SCAPER: variants seen among roughly 807,000 people sequenced by gnomAD.
SCAPER encodes the protein S phase cyclin A-associated protein in the endoplasmic reticulum.
In SCAPER, 98 loss-of-function variants were observed where a neutral mutation model predicts 182.2. The ratio of observed to expected loss-of-function variants is 0.54; its 90% CI spans 0.46 to 0.64. SCAPER has a LOEUF of 0.64. SCAPER is among the 30% of genes least tolerant of loss of function. The pLI is 0.00. For synonymous variants in SCAPER, 605 were observed against 564.6 expected, an observed-to-expected ratio of 1.07 and a Z score of -1.01; for missense variants, 1,432 against 1,690.0, an observed-to-expected ratio of 0.85 and a Z score of 2.68.
At chr15:76,588,889 C>A (rs186555469) in intron 22 of SCAPER, among the ~76,000 whole-genome samples, 1 of 152,232 alleles carries the variant, frequency 6.6e-6, no homozygotes, top group Non-Finnish European at 1.5e-5. Context: ...GAGGGAAGAT[C>A]TGGCACTCAA....
In SCAPER at chr15:76,348,745, G is replaced by A; in HGVS notation, c.4100-9C>T. 1 of 1,458,486 alleles carries A rather than the reference G, an allele frequency of 6.9e-7. No individual in the cohort carries two copies. The highest frequency in any genetic ancestry group is 9.1e-7 in the Non-Finnish European group (1 of 1,094,150). 90.3% of individuals were successfully genotyped at this position (1,458,486 alleles called of 1,614,324 possible). A position where few individuals can be genotyped will look rare whatever the true frequency, so the allele number is the denominator to read the frequency against. On this transcript the variant is annotated splice_polypyrimidine_tract_variant and intron_variant, in intron 31 of 31. Coordinates refer to ENST00000563290, the MANE Select transcript of SCAPER (RefSeq NM_020843.4). ...GGAACCAAGGCATTTCCCTGAGAGGGGGATAAAAGAGAAAAAAGTTAAATA... is the reference window on the plus strand; with the variant it reads ...GGAACCAAGGCATTTCCCTGAGAGGAGGATAAAAGAGAAAAAAGTTAAATA...
intron 20 of SCAPER, among the ~76,000 whole-genome samples, chr15:76,681,501 T>C (rs2057701640): frequency 6.6e-6 from 1 of 151,990 alleles, no homozygotes; most frequent in African/African-American, 2.4e-5. Flanking sequence ...TATCACCCAG[T>C]GATTGGGACA....
At chr15:76,733,486 C>T (rs757994510) in intron 15 of SCAPER, 102 bp from the exon 16 acceptor site, 16 of 1,368,356 alleles carry the variant, frequency 1.2e-5, no homozygotes, top group Admixed American at 2.5e-5. Flanking sequence ...TGGTGGTTCA[C>T]GCCTGTGATC....
chr15:76,425,451 C>T (rs774664321), intron 26 of SCAPER, among the ~76,000 whole-genome samples: 14 of 152,168 alleles, frequency 9.2e-5, no homozygotes, highest in East Asian at 1.9e-4. Context: ...TCTCGTGCCA[C>T]GGTTTTCAGC....
At chr15:76,840,841 CTGTT>C (rs749100225) in intron 5 of SCAPER, among the ~76,000 whole-genome samples, 2 of 152,190 alleles carry the variant, frequency 1.3e-5, no homozygotes, top group Non-Finnish European at 2.9e-5. Context: ...CACCATGTGT[CTGTT>C]TAATATCCTA....
chr15:76,780,969 C>A lies in SCAPER; in HGVS notation c.773-5852G>T, dbSNP rs538713141. On this transcript the variant is annotated intron_variant, in intron 8 of 31. Coordinates refer to ENST00000563290, the MANE Select transcript of SCAPER (RefSeq NM_020843.4). ...AAGCTGAAAATTCTAAAAACCAGAG[C>A]GCCTCTTCTCCTCCAAAGGATCACA... 9.9e-5 allele frequency among the ~76,000 whole-genome samples: 15 copies of A among 152,224 alleles called. No individual in the cohort carries two copies. The East Asian group carries it at 1.7e-3, about 18-fold the overall frequency.
At chr15:76,807,683 C>T (rs1158610746) in intron 5 of SCAPER, among the ~76,000 whole-genome samples, 3 of 112,642 alleles carry the variant, frequency 2.7e-5, no homozygotes, top group Non-Finnish European at 3.5e-5. Flanking sequence ...TCCCTCCCCC[C>T]TCCCCCCACC....
chr15:76,465,491 G>A (rs535496133), intron 25 of SCAPER, among the ~76,000 whole-genome samples: 143 of 152,160 alleles, frequency 9.4e-4, no homozygotes, highest in Middle Eastern at 6.8e-3. Context: ...TCAGACATAC[G>A]GTTTACAAAT....
At chr15:76,438,492 G>T (rs2047350941) in intron 25 of SCAPER, among the ~76,000 whole-genome samples, 1 of 152,116 alleles carries the variant, frequency 6.6e-6, no homozygotes, top group African/African-American at 2.4e-5. Context: ...CAGCTGACCG[G>T]CAACTTTTGA....
intron 5 of SCAPER, among the ~76,000 whole-genome samples, chr15:76,814,086 T>C (rs1451319772): frequency 6.6e-6 from 1 of 152,032 alleles, no homozygotes; most frequent in Non-Finnish European, 1.5e-5. Flanking sequence ...AAGAATTGTT[T>C]GAACCCGGGA....
At chr15:76,775,247 T>C in intron 8 of SCAPER, 130 bp from the exon 9 acceptor site, 1 of 756,760 alleles carries the variant, frequency 1.3e-6, no homozygotes, top group Non-Finnish European at 2.0e-6. Flanking sequence ...ATGAGAGTAT[T>C]ATACAAAATG....
chr15:76,813,764 C>T (rs1237947242), intron 5 of SCAPER, among the ~76,000 whole-genome samples: 1 of 152,118 alleles, frequency 6.6e-6, no homozygotes, highest in Non-Finnish European at 1.5e-5. Flanking sequence ...CAAGGAAGTG[C>T]AAGATCTGTA....
chr15:76,637,984 T>C (rs2053785938), intron 21 of SCAPER, among the ~76,000 whole-genome samples: 1 of 151,998 alleles, frequency 6.6e-6, no homozygotes, highest in Non-Finnish European at 1.5e-5. Context: ...TTTGCCCATC[T>C]GTTACTGAGT....
At chr15:76,846,472 G>C (rs2070100903) in intron 4 of SCAPER, among the ~76,000 whole-genome samples, 1 of 151,994 alleles carries the variant, frequency 6.6e-6, no homozygotes, top group African/African-American at 2.4e-5. Context: ...TTAATAACCA[G>C]AATATATAAG....
chr15:76,813,197 T>A (rs915410456), intron 5 of SCAPER, among the ~76,000 whole-genome samples: 3 of 116,216 alleles, frequency 2.6e-5, no homozygotes, highest in African/African-American at 3.5e-5. Context: ...AGAAAAAGCA[T>A]CTGGCAGACA....
chr15:76,689,273 G>A (rs1193235417), intron 20 of SCAPER, among the ~76,000 whole-genome samples: 1 of 152,196 alleles, frequency 6.6e-6, no homozygotes, highest in East Asian at 1.9e-4. Flanking sequence ...TCATTCAACT[G>A]AGACGGGGTA....
chr15:76,888,080 G>A (rs936463031), intron 1 of SCAPER, among the ~76,000 whole-genome samples: 7 of 152,222 alleles, frequency 4.6e-5, no homozygotes, highest in Non-Finnish European at 1.0e-4. Context: ...ACCTGCAGCT[G>A]AGGGACCTGA....
intron 23 of SCAPER, among the ~76,000 whole-genome samples, chr15:76,528,956 G>C (rs146094132): frequency 6.4e-4 from 98 of 152,298 alleles, no homozygotes; most frequent in African/African-American, 2.2e-3. Flanking sequence ...TGTTAAAAAC[G>C]TCCTACTCAT....
At chr15:76,495,578 A>C (rs1340585364) in intron 24 of SCAPER, among the ~76,000 whole-genome samples, 3 of 29,666 alleles carry the variant, frequency 1.0e-4, no homozygotes, top group Admixed American at 3.4e-4. Flanking sequence ...ACTTGGTCTC[A>C]AAAAAAAAAA....
Sources: allele counts gnomAD v4.1 joint callset (sites outside exome capture counted in the v4.1 genomes callset), GRCh38; gene constraint gnomAD v4.1.1; transcripts MANE v1.5; gene names NCBI Gene and HGNC (gene_info 2026-07-23, HGNC 2026-07-21).